ASH1L: variants seen among roughly 807,000 people sequenced by gnomAD.
The protein encoded by ASH1L is ASH1 like histone lysine methyltransferase.
In ASH1L, 23 loss-of-function variants were observed where a neutral mutation model predicts 269.0. The observed-to-expected ratio is 0.09, with a 90% confidence interval of 0.06 to 0.12. ASH1L has a LOEUF of 0.12. ASH1L is among the 10% of genes least tolerant of loss of function. The pLI is 1.00. For synonymous variants in ASH1L, 1,187 were observed against 1,253.5 expected (o/e 0.95, Z 1.12); for missense variants, 2,912 against 3,567.8 (o/e 0.82, Z 4.68).
chr1:155,543,510 A>C (rs1670583766), intron 1 of ASH1L, among the ~76,000 whole-genome samples: 2 of 80,878 alleles, frequency 2.5e-5, no homozygotes, highest in South Asian at 4.5e-4. Flanking sequence ...ACTCTGTCTC[A>C]AAAAAAAAAA....
chr1:155,365,199 T>C (rs1372511541), intron 12 of ASH1L, among the ~76,000 whole-genome samples: 1 of 151,850 alleles, frequency 6.6e-6, no homozygotes, highest in Non-Finnish European at 1.5e-5. Context: ...AACTTTTGAG[T>C]TACTGACAGC....
At chr1:155,434,847 T>C (rs1396423537) in intron 5 of ASH1L, among the ~76,000 whole-genome samples, 1 of 145,466 alleles carries the variant, frequency 6.9e-6, no homozygotes, top group Non-Finnish European at 1.5e-5. Context: ...CGAGACTCCG[T>C]CTCAAAAAAA....
At chr1:155,488,755 C>CT (rs1666530735) in intron 2 of ASH1L, among the ~76,000 whole-genome samples, 2 of 141,274 alleles carry the variant, frequency 1.4e-5, no homozygotes, top group Admixed American at 1.4e-4. Flanking sequence ...TGTAAGAACA[C>CT]TTTAAAATGA....
At chr1:155,427,457 A>T (rs1438927740) in intron 5 of ASH1L, among the ~76,000 whole-genome samples, 1 of 151,928 alleles carries the variant, frequency 6.6e-6, no homozygotes, top group African/African-American at 2.4e-5. Context: ...ATAGGCGCCC[A>T]CCACCTGGCT....
chr1:155,369,214 C>T (rs920929939), intron 12 of ASH1L, among the ~76,000 whole-genome samples: 15 of 152,056 alleles, frequency 9.9e-5, no homozygotes, highest in Non-Finnish European at 1.9e-4. Context: ...GAGGCCGAGG[C>T]GGGCGGATCA....
At position 155,470,597 on chromosome 1, in the gene ASH1L, G is replaced by A. The variant is rs548763278; in HGVS notation, c.4984+7289C>T. ...GACAGAGTCTCGCTCTGTTGCCCAG[G>A]CCGGAGTGCAATGGTGCAATCTCGG... On this transcript the variant is annotated intron_variant, in intron 3 of 27. Coordinates refer to ENST00000392403, the MANE Select transcript of ASH1L (RefSeq NM_018489.3). 1.1e-4 allele frequency among the ~76,000 whole-genome samples: 16 copies of A among 149,368 alleles called. No homozygotes were observed. The East Asian group carries it at 3.0e-3, about 28-fold the overall frequency.
At chr1:155,436,024 C>A (rs1489041976) in intron 5 of ASH1L, among the ~76,000 whole-genome samples, 1 of 152,084 alleles carries the variant, frequency 6.6e-6, no homozygotes, top group Non-Finnish European at 1.5e-5. Context: ...GCACTCCAGG[C>A]TGGGTGACAG....
At chr1:155,356,086 C>T (rs1048057807) in intron 15 of ASH1L, among the ~76,000 whole-genome samples, 4 of 151,806 alleles carry the variant, frequency 2.6e-5, no homozygotes, top group African/African-American at 9.7e-5. Context: ...GACAGGCATG[C>T]ACCACCATGC....
chr1:155,370,382 G>T, intron 12 of ASH1L, 122 bp downstream of exon 12: 1 of 1,236,066 alleles, frequency 8.1e-7, no homozygotes, highest in Non-Finnish European at 1.2e-6. Context: ...TGGGATCTGG[G>T]GTAATGGGGA....
intron 10 of ASH1L, among the ~76,000 whole-genome samples, chr1:155,374,810 T>A (rs768929515): frequency 6.6e-6 from 1 of 152,088 alleles, no homozygotes; most frequent in Non-Finnish European, 1.5e-5. Flanking sequence ...ATTCCACACC[T>A]ATATTTTCTT....
At position 155,478,132 on chromosome 1, in the gene ASH1L, A is replaced by T; in HGVS notation, c.4738T>A (p.Ser1580Thr). 6.2e-7 allele frequency: 1 copy of T among 1,614,058 alleles called. No homozygotes were observed. The highest frequency in any genetic ancestry group is 8.5e-7 in the Non-Finnish European group (1 of 1,180,010). The stretch of plus-strand genomic sequence containing the variant: ...AGGGATAAGCTTGGAGAACTTTCTG[A>T]ACAGTCAATCTGTAAAGGTGTCTGC... ...GLQTPLQIDC[S>T]ESSPSLSLGG... is the part of the protein sequence containing the mutation. Residue 1580 changes from serine (S) to threonine (T), a missense_variant, in exon 3 of 28, where the codon TCA (serine) becomes ACA (threonine). By Grantham distance (58) the Ser-to-Thr change is moderately conservative. Transcript: ENST00000392403. This position sits in a 1 kb window ranked among gnomAD's most constrained non-coding sequence, Gnocchi z 4.6.
intron 5 of ASH1L, among the ~76,000 whole-genome samples, chr1:155,422,949 T>A (rs1660827954): frequency 6.9e-6 from 1 of 144,888 alleles, no homozygotes; most frequent in Non-Finnish European, 1.5e-5. Flanking sequence ...GAGCTGGCCT[T>A]TCTTTTTTTT....
intron 20 of ASH1L, 39 bp downstream of exon 20, chr1:155,347,617 C>A: frequency 6.2e-7 from 1 of 1,609,816 alleles, no homozygotes; most frequent in South Asian, 1.1e-5. Flanking sequence ...TCACCGTGTT[C>A]ATCAGGACCA....
intron 5 of ASH1L, among the ~76,000 whole-genome samples, chr1:155,427,011 T>C (rs1233640883): frequency 6.6e-6 from 1 of 152,160 alleles, no homozygotes; most frequent in African/African-American, 2.4e-5. Flanking sequence ...TATGTGTAGG[T>C]CTGTTTCTTT....
intron 6 of ASH1L, among the ~76,000 whole-genome samples, chr1:155,412,041 C>T (rs1659853294): frequency 1.3e-5 from 2 of 151,824 alleles, no homozygotes; most frequent in Non-Finnish European, 2.9e-5. Flanking sequence ...CAGGATTTCG[C>T]AACCAGACTG....
At chr1:155,473,492 A>C (rs112397742) in intron 3 of ASH1L, among the ~76,000 whole-genome samples, 1 of 127,748 alleles carries the variant, frequency 7.8e-6, no homozygotes, top group African/African-American at 2.9e-5. Flanking sequence ...TAGTATTTCT[A>C]TTTTTTTTTT....
chr1:155,477,795 A>G, intron 3 of ASH1L, 91 bp downstream of exon 3: 1 of 1,237,552 alleles, frequency 8.1e-7, no homozygotes, highest in East Asian at 2.4e-5. Context: ...AAAAAGATAT[A>G]TATATTAAAA....
intron 1 of ASH1L, among the ~76,000 whole-genome samples, chr1:155,559,534 C>CAAA (rs71270465): frequency 3.5e-5 from 3 of 84,982 alleles, no homozygotes; most frequent in South Asian, 3.5e-4. Context: ...AACTCAGTCT[C>CAAA]AAAAAAAAAA....
rs1462884700 is a variant in ASH1L at position 155,354,502 on chromosome 1, A to C, written c.7184T>G (p.Ile2395Ser). 1.9e-6 allele frequency: 3 copies of C among 1,611,648 alleles called. No individual in the cohort carries two copies. Among genetic ancestry groups the C allele is most frequent in the African/African-American group, 1.3e-5 (1 of 74,940 alleles). The change falls in exon 16 of 28, where the codon ATC (isoleucine) becomes AGC (serine). Residue 2395 changes from isoleucine (I) to serine (S), a missense_variant. Ile to Ser is a moderately radical substitution (Grantham distance 142). This residue lies in a region of ASH1L where 309 missense variants were observed against 435.1 expected (regional missense o/e 0.71). Transcript: ENST00000392403. ...SASLYTRWNG[I>S]CRDDGNIKSD... ...CTTGATATTCCCATCATCTCGGCAG[A>C]TCCCATTCCAACGGGTATATAATGA...
Sources: gnomAD v4.1 joint callset for allele counts (sites outside exome capture counted in the v4.1 genomes callset) on GRCh38, gnomAD v4.1.1 for gene constraint, gnomAD v4.1.1 regional missense constraint, Gnocchi (gnomAD v3.1) non-coding constraint, MANE v1.5 for transcripts, NCBI Gene and HGNC (gene_info 2026-07-23, HGNC 2026-07-21) for gene names.